TIGD5: variants seen among roughly 807,000 people sequenced by gnomAD.
TIGD5 encodes the protein tigger transposable element derived 5, also known as tigger transposable element-derived protein 5.
TIGD5 carries 24 observed loss-of-function variants against 28.8 expected under a neutral mutation model. The ratio of observed to expected loss-of-function variants is 0.83; its 90% CI spans 0.60 to 1.17. TIGD5 has a LOEUF of 1.17. Ranked by LOEUF, TIGD5 falls within the 50% of genes most tolerant of loss-of-function variation. TIGD5 has a pLI of 0.00. For missense variants in TIGD5, 922 were observed against 911.4 expected (o/e 1.01, Z -0.15); for synonymous variants, 538 against 430.5 (o/e 1.25, Z -3.09).
In TIGD5 at chr8:143,598,975, G is replaced by GGCCC; in HGVS notation, c.1072_1073insGCCC (p.Ala358GlyfsTer118). 1 of 1,570,492 alleles carries GGCCC rather than the reference G, an allele frequency of 6.4e-7. No individual in the cohort carries two copies. The highest frequency in any genetic ancestry group is 8.6e-7 in the Non-Finnish European group (1 of 1,164,742). On this transcript the variant is annotated frameshift_variant, in exon 1 of 1. Transcript: ENST00000504548. LOFTEE classifies it high-confidence loss of function. This position sits in a 1 kb window ranked among gnomAD's most constrained non-coding sequence, Gnocchi z 6.6. ...GCAGCAGAAGGCCGTGCTGCTGGTG[G>GGCCC]CCCACCCGCCCTGCCCAAGCCCAGC... is the stretch of plus-strand genomic sequence containing the variant.
chr8:143,597,941 GCCGCGGCCGCCGTCCCCTGCCCGGGCCCC>G lies in TIGD5; in HGVS notation c.44_72del (p.Gly15AlafsTer84). 1.1e-6 allele frequency: 1 copy of G among 872,190 alleles called. No individual in the cohort carries two copies. The highest frequency in any genetic ancestry group is 1.4e-6 in the Non-Finnish European group (1 of 730,150). 54.0% of individuals were successfully genotyped at this position (872,190 alleles called of 1,614,324 possible). On this transcript the variant is annotated frameshift_variant, in exon 1 of 1. Coordinates refer to ENST00000504548, the MANE Select transcript of TIGD5 (RefSeq NM_032862.5). LOFTEE classifies it high-confidence loss of function. ...GGCCCCCCGGCCGGCCCGGTACCGC[GCCGCGGCCGCCGTCCCCTGCCCGGGCCCC>G]CCGCGCCCGCCCCAGCCCCCGTCCC...
chr8:143,600,251 TCA>T lies in TIGD5; in HGVS notation c.*420_*421del. On this transcript the variant is annotated 3_prime_UTR_variant, in exon 1 of 1. Coordinates refer to ENST00000504548, the MANE Select transcript of TIGD5 (RefSeq NM_032862.5). Reference sequence around the variant, plus strand: ...GCCCCGGAGCCACAGCACAATCATCTCAGTGGCGAAGCACACCACTTGATTCT... The same window carrying T: ...GCCCCGGAGCCACAGCACAATCATCTGTGGCGAAGCACACCACTTGATTCT... 4.9e-6 allele frequency: 1 copy of T among 203,578 alleles called. No homozygotes were observed. Among genetic ancestry groups the T allele is most frequent in the Non-Finnish European group, 9.8e-6 (1 of 102,170 alleles). The allele number at this position is 203,578 out of a possible 1,614,324, so 12.6% of individuals were successfully genotyped here.
Position 143,601,930 on chromosome 8 carries a change from T to A in TIGD5, c.*2098T>A, listed in dbSNP as rs1296487560. On this transcript the variant is annotated 3_prime_UTR_variant, in exon 1 of 1. Coordinates refer to ENST00000504548, the MANE Select transcript of TIGD5 (RefSeq NM_032862.5). ...GCCAACATGGTGAAAACCCCGTCTC[T>A]ACTAAAAATACAAAAATTAGCTGGG... The A allele has an allele frequency of 6.6e-6, 1 of 152,036 alleles. No individual in the cohort carries two copies. Among genetic ancestry groups the A allele is most frequent in the African/African-American group, 2.4e-5 (1 of 41,392 alleles). The allele number at this position is 152,036 out of a possible 1,614,324, so 9.4% of individuals were successfully genotyped here.
Position 143,599,067 on chromosome 8 carries a change from C to A in TIGD5, c.1164C>A (p.Pro388=), listed in dbSNP as rs1347627764. The A allele has an allele frequency of 3.2e-6, 5 of 1,572,628 alleles. No individual in the cohort carries two copies. Among genetic ancestry groups the A allele is most frequent in the African/African-American group, 2.7e-5 (2 of 74,106 alleles). ...GGTGCAGGCCGGAGCCCCTCGGTCC[C>A]CCGGAGGAGCTGCAGACACCGGATG... ...PVRCRPEPLG[P]PEELQTPDGA... Residue 388 remains proline (P), a synonymous_variant, in exon 1 of 1, where the codon CCC becomes CCA. Coordinates refer to ENST00000504548, the MANE Select transcript of TIGD5 (RefSeq NM_032862.5).
In TIGD5 at chr8:143,601,941, C is replaced by A. The variant is rs1181356608; in HGVS notation, c.*2109C>A. The stretch of plus-strand genomic sequence containing the variant: ...GAAAACCCCGTCTCTACTAAAAATA[C>A]AAAAATTAGCTGGGCGTGGTGGCAG... On this transcript the variant is annotated 3_prime_UTR_variant, in exon 1 of 1. Transcript: ENST00000504548. The A allele has an allele frequency of 6.6e-6, 1 of 152,016 alleles. No individual in the cohort carries two copies. The highest frequency in any genetic ancestry group is 1.5e-5 in the Non-Finnish European group (1 of 67,996). The allele number at this position is 152,016 out of a possible 1,614,324, so 9.4% of individuals were successfully genotyped here.
rs936900602 is a variant in TIGD5 at position 143,598,587 on chromosome 8, G to T, written c.684G>T (p.Glu228Asp). ...CCCCGGCCCCGCCGCCCCCGGCCGA[G>T]GGCGGCTACGGGGACGAGCAGATTT... Reference protein sequence around the residue: ...DRAPAPPPPAEGGYGDEQIYS... With the variant: ...DRAPAPPPPADGGYGDEQIYS... The change falls in exon 1 of 1, where the codon GAG becomes GAT. Residue 228 changes from glutamate (E) to aspartate (D), a missense_variant. Glu to Asp is a conservative substitution (Grantham distance 45, BLOSUM62 2). Transcript: ENST00000504548. This position sits in a 1 kb window ranked among gnomAD's most constrained non-coding sequence, Gnocchi z 6.6. 18 of 1,360,598 alleles carry T rather than the reference G, an allele frequency of 1.3e-5. No individual in the cohort carries two copies. The highest frequency in any genetic ancestry group is 1.7e-5 in the Non-Finnish European group (18 of 1,064,314). 84.3% of individuals were successfully genotyped at this position (1,360,598 alleles called of 1,614,324 possible).
Position 143,598,044 on chromosome 8 carries a change from C to T in TIGD5, c.141C>T (p.Ala47=), listed in dbSNP as rs563111625. The change falls in exon 1 of 1, where the codon GCC becomes GCT. Residue 47 remains alanine (A), a synonymous_variant. Coordinates refer to ENST00000504548, the MANE Select transcript of TIGD5 (RefSeq NM_032862.5). The surrounding 1 kb of genome is among the most constrained non-coding windows in gnomAD (Gnocchi z 6.6). ...PPAPGPRPRV[A]VKMAFRKAYS... ...CGCCCGGGCCGCGGCCCCGCGTGGC[C>T]GTGAAGATGGCCTTCCGCAAGGCCT... 8.8e-6 allele frequency: 12 copies of T among 1,359,088 alleles called. No individual in the cohort carries two copies. In the South Asian group the frequency reaches 1.8e-4, roughly 20 times the overall value. 84.2% of individuals were successfully genotyped at this position (1,359,088 alleles called of 1,614,324 possible).
rs893983246 is a variant in TIGD5, at chr8:143,600,806, G to C, written c.*974G>C. The C allele has an allele frequency of 3.3e-5, 5 of 152,340 alleles. No homozygotes were observed. Among genetic ancestry groups the C allele is most frequent in the Admixed American group, 6.5e-5 (1 of 15,284 alleles). 9.4% of individuals were successfully genotyped at this position (152,340 alleles called of 1,614,324 possible). A position where few individuals can be genotyped will look rare whatever the true frequency, so the allele number is the denominator to read the frequency against. On this transcript the variant is annotated 3_prime_UTR_variant, in exon 1 of 1. Coordinates refer to ENST00000504548, the MANE Select transcript of TIGD5 (RefSeq NM_032862.5). ...GCTCCTGGGAGGCCTACTTTGAAAG[G>C]AGGAAAGGGCCCCAGGGCCTGTCAA...
At position 143,598,866 on chromosome 8, in the gene TIGD5, C is replaced by G. The variant is rs537639306; in HGVS notation, c.963C>G (p.Ala321=). 4.4e-6 allele frequency: 7 copies of G among 1,600,162 alleles called. No homozygotes were observed. Among genetic ancestry groups the G allele is most frequent in the African/African-American group, 2.7e-5 (2 of 75,048 alleles). ...FPASYRYSPD[A]WLSRPLLRGW... The stretch of plus-strand genomic sequence containing the variant: ...CCTCCTACCGCTACAGCCCCGACGC[C>G]TGGCTCAGCCGCCCGCTGCTGCGGG... Residue 321 remains alanine (A), a synonymous_variant, in exon 1 of 1, where the codon GCC becomes GCG. Coordinates refer to ENST00000504548, the MANE Select transcript of TIGD5 (RefSeq NM_032862.5). This position sits in a 1 kb window ranked among gnomAD's most constrained non-coding sequence, Gnocchi z 6.6.
chr8:143,598,224 T>A lies in TIGD5; in HGVS notation c.321T>A (p.Gly107=), dbSNP rs372529199. The A allele has an allele frequency of 3.0e-5, 48 of 1,607,482 alleles. No individual in the cohort carries two copies. The highest frequency in any genetic ancestry group is 4.1e-5 in the Non-Finnish European group (48 of 1,177,798). ...GCTGGTTCCTGGAGCAGCTGGGCGG[T>A]GAGGTGGGCACTCAGCGCAAGAAGA... The part of the protein sequence containing the change: ...KLRWFLEQLG[G]EVGTQRKKMR... The change falls in exon 1 of 1, where the codon GGT becomes GGA. Residue 107 remains glycine, a synonymous_variant. Coordinates refer to ENST00000504548, the MANE Select transcript of TIGD5 (RefSeq NM_032862.5). This position sits in a 1 kb window ranked among gnomAD's most constrained non-coding sequence, Gnocchi z 6.6.
rs75517188 is a variant in TIGD5 at position 143,599,677 on chromosome 8, G to A, written c.1774G>A (p.Val592Met). The A allele has an allele frequency of 1.3e-4, 202 of 1,518,222 alleles. No homozygotes were observed. Among genetic ancestry groups the A allele is most frequent in the Non-Finnish European group, 1.7e-4 (188 of 1,137,778 alleles). The allele number at this position is 1,518,222 out of a possible 1,614,324, so 94.0% of individuals were successfully genotyped here. The stretch of plus-strand genomic sequence containing the variant: ...CTCAGTGCCGACTGCCGGGGAGGCC[G>A]TGCGGGGGCTAGAAACAGCTCTGCG... ...GTSVPTAGEA[V>M]RGLETALRWL... Residue 592 changes from valine to methionine, a missense_variant, in exon 1 of 1, where the codon GTG becomes ATG. Around this residue, in one of 3 missense-constraint regions of TIGD5, gnomAD observed 821 missense variants for 815.2 expected, o/e 1.01. Coordinates refer to ENST00000504548, the MANE Select transcript of TIGD5 (RefSeq NM_032862.5).
At position 143,598,932 on chromosome 8, in the gene TIGD5, C is replaced by T. The variant is rs1829178701; in HGVS notation, c.1029C>T (p.Tyr343=). 1.3e-6 allele frequency: 2 copies of T among 1,591,808 alleles called. No homozygotes were observed. Among genetic ancestry groups the T allele is most frequent in the African/African-American group, 1.3e-5 (1 of 74,818 alleles). ...AATTTGTCCCAGGCGTCAAACGCTA[C>T]CTGCGCCGAAGCTGCCTGCAGCAGA... is the stretch of plus-strand genomic sequence containing the variant. ...FEEFVPGVKR[Y]LRRSCLQQKA... is the part of the protein sequence containing the mutation. Residue 343 remains tyrosine, a synonymous_variant, in exon 1 of 1, where the codon TAC becomes TAT. Transcript: ENST00000504548. The surrounding 1 kb of genome is among the most constrained non-coding windows in gnomAD (Gnocchi z 6.6).
In TIGD5 at chr8:143,600,138, G is replaced by C. The variant is rs1357893153; in HGVS notation, c.*306G>C. 1.1e-5 allele frequency: 4 copies of C among 357,012 alleles called. No homozygotes were observed. The highest frequency in any genetic ancestry group is 2.0e-5 in the Non-Finnish European group (4 of 199,736). The allele number at this position is 357,012 out of a possible 1,614,324, so 22.1% of individuals were successfully genotyped here. A position where few individuals can be genotyped will look rare whatever the true frequency, so the allele number is the denominator to read the frequency against. ...TGGCTGTGTTCCTGCTCTGGCCCCC[G>C]TGGGGCTGGGCCTCCGCCCCTGCAC... On this transcript the variant is annotated 3_prime_UTR_variant, in exon 1 of 1. Transcript: ENST00000504548.
Position 143,598,227 on chromosome 8 carries a change from G to C in TIGD5, c.324G>C (p.Glu108Asp), listed in dbSNP as rs767841064. The change falls in exon 1 of 1, where the codon GAG becomes GAC. Residue 108 changes from glutamate to aspartate, a missense_variant. By Grantham distance (45) the Glu-to-Asp change is conservative. Around this residue, in one of 3 missense-constraint regions of TIGD5, gnomAD observed 821 missense variants for 815.2 expected, o/e 1.01. Transcript: ENST00000504548. This position sits in a 1 kb window ranked among gnomAD's most constrained non-coding sequence, Gnocchi z 6.6. The stretch of plus-strand genomic sequence containing the variant: ...GGTTCCTGGAGCAGCTGGGCGGTGA[G>C]GTGGGCACTCAGCGCAAGAAGATGC... ...LRWFLEQLGG[E>D]VGTQRKKMRL... The C allele has an allele frequency of 7.5e-6, 12 of 1,608,438 alleles. No homozygotes were observed. In the East Asian group the frequency reaches 2.5e-4, roughly 33 times the overall value.
rs748079177 is a variant in TIGD5 at position 143,598,167 on chromosome 8, G to A, written c.264G>A (p.Leu88=). Residue 88 remains leucine, a synonymous_variant, in exon 1 of 1, where the codon CTG becomes CTA. Transcript: ENST00000504548. The surrounding 1 kb of genome is among the most constrained non-coding windows in gnomAD (Gnocchi z 6.6). ...CRDFGVPGGT[L]RGWLKDEPKL... is the part of the protein sequence containing the mutation. Reference sequence around the variant, plus strand: ...ACTTCGGCGTGCCGGGCGGGACGCTGCGCGGCTGGCTCAAGGACGAGCCCA... The same window carrying A: ...ACTTCGGCGTGCCGGGCGGGACGCTACGCGGCTGGCTCAAGGACGAGCCCA... 7 of 1,597,970 alleles carry A rather than the reference G, an allele frequency of 4.4e-6. No individual in the cohort carries two copies. In the African/African-American group the frequency reaches 9.6e-5, roughly 22 times the overall value.
chr8:143,601,326 C>T lies in TIGD5; in HGVS notation c.*1494C>T, dbSNP rs550288744. The T allele has an allele frequency of 2.7e-4, 41 of 152,376 alleles. No homozygotes were observed. The highest frequency in any genetic ancestry group is 9.6e-4 in the African/African-American group (40 of 41,592). The allele number at this position is 152,376 out of a possible 1,614,324, so 9.4% of individuals were successfully genotyped here. Reference sequence around the variant, plus strand: ...CCCTGAGCAGAGCTCAGGGCAGCAGCTCCAGGCATGCCTGCTGAGCCCATC... The same window carrying T: ...CCCTGAGCAGAGCTCAGGGCAGCAGTTCCAGGCATGCCTGCTGAGCCCATC... On this transcript the variant is annotated 3_prime_UTR_variant, in exon 1 of 1. Coordinates refer to ENST00000504548, the MANE Select transcript of TIGD5 (RefSeq NM_032862.5).
Position 143,600,539 on chromosome 8 carries a change from T to G in TIGD5, c.*707T>G, listed in dbSNP as rs1383008849. ...GAACAGATCTCTTATTCCGTGGGAT[T>G]GGCAGCTGCCTGGCTTTGGGCCCTG... On this transcript the variant is annotated 3_prime_UTR_variant, in exon 1 of 1. Coordinates refer to ENST00000504548, the MANE Select transcript of TIGD5 (RefSeq NM_032862.5). 3 of 152,234 alleles carry G rather than the reference T, an allele frequency of 2.0e-5. No individual in the cohort carries two copies. The highest frequency in any genetic ancestry group is 2.0e-4 in the Admixed American group (3 of 15,284). The allele number at this position is 152,234 out of a possible 1,614,324, so 9.4% of individuals were successfully genotyped here.
chr8:143,599,222 G>C lies in TIGD5; in HGVS notation c.1319G>C (p.Cys440Ser). Residue 440 changes from cysteine (C) to serine (S), a missense_variant, in exon 1 of 1, where the codon TGC becomes TCC. Around this residue, in one of 3 missense-constraint regions of TIGD5, gnomAD observed 821 missense variants for 815.2 expected, o/e 1.01. Transcript: ENST00000504548. Reference sequence around the variant, plus strand: ...GAGCTGCTGCGACTGGCTGTGTCCTGCGCCAGCGGCTCCCCGCTGGACTTC... The same window carrying C: ...GAGCTGCTGCGACTGGCTGTGTCCTCCGCCAGCGGCTCCCCGCTGGACTTC... The part of the protein sequence containing the change: ...KRELLRLAVS[C>S]ASGSPLDFMR... 6.2e-7 allele frequency: 1 copy of C among 1,611,550 alleles called. No homozygotes were observed. Among genetic ancestry groups the C allele is most frequent in the Non-Finnish European group, 8.5e-7 (1 of 1,179,698 alleles).
chr8:143,598,374 G>C lies in TIGD5; in HGVS notation c.471G>C (p.Gln157His). ...CGCAGGCCGAGGCCTTCGCGCGCCA[G>C]ATCTACGGGCCCGAGTGCACCTTCA... ...IQAQAEAFAR[Q>H]IYGPECTFKA... Residue 157 changes from glutamine to histidine, a missense_variant, in exon 1 of 1, where the codon CAG becomes CAC. Physicochemically the swap from Gln to His is conservative, Grantham distance 24 (BLOSUM62 0). This residue lies in a region of TIGD5 where 821 missense variants were observed against 815.2 expected (regional missense o/e 1.01). Transcript: ENST00000504548. The surrounding 1 kb of genome is among the most constrained non-coding windows in gnomAD (Gnocchi z 6.6). The C allele has an allele frequency of 1.3e-6, 2 of 1,575,842 alleles. No homozygotes were observed. The highest frequency in any genetic ancestry group is 1.7e-6 in the Non-Finnish European group (2 of 1,164,708).
Sources: gnomAD v4.1 joint callset for allele counts on GRCh38, gnomAD v4.1.1 for gene constraint, gnomAD v4.1.1 regional missense constraint, Gnocchi (gnomAD v3.1) non-coding constraint, MANE v1.5 for transcripts, NCBI Gene and HGNC (gene_info 2026-07-23, HGNC 2026-07-21) for gene names.